DPP10: variants seen among roughly 807,000 people sequenced by gnomAD.
The protein encoded by DPP10 is dipeptidyl peptidase like 10, also known as inactive dipeptidyl peptidase 10.
Under a neutral mutation model 120.9 loss-of-function variants are expected in DPP10, and 33 were observed. The ratio of observed to expected loss-of-function variants is 0.27; its 90% CI spans 0.21 to 0.37. DPP10 has a LOEUF of 0.37. Among genes scored for constraint, DPP10 ranks in the 10% least tolerant of loss-of-function variants. DPP10 has a pLI of 1.00. For missense variants in DPP10, 816 were observed against 942.8 expected, an observed-to-expected ratio of 0.87 and a Z score of 1.76; for synonymous variants, 337 against 326.1, an observed-to-expected ratio of 1.03 and a Z score of -0.36.
chr2:115,410,337 G>A (rs920302093), intron 3 of DPP10, among the ~76,000 whole-genome samples: 4 of 152,136 alleles, frequency 2.6e-5, no homozygotes, highest in Non-Finnish European at 2.9e-5. Context: ...GCAGGGACAC[G>A]GATGGAGCTG....
intron 19 of DPP10, among the ~76,000 whole-genome samples, chr2:115,804,651 T>A (rs1366511955): frequency 6.6e-6 from 1 of 152,180 alleles, no homozygotes; most frequent in Non-Finnish European, 1.5e-5. Flanking sequence ...CTTCTAACAG[T>A]CAGGACCCTC....
At chr2:115,633,779 G>A (rs980083484) in intron 5 of DPP10, among the ~76,000 whole-genome samples, 2 of 152,046 alleles carry the variant, frequency 1.3e-5, no homozygotes, top group African/African-American at 4.8e-5. Context: ...ATCTTCTCAT[G>A]GAGTATCTTA....
In DPP10 at chr2:115,377,747, A is replaced by G. The variant is rs1453923812; in HGVS notation, c.271+33835A>G. Among the ~76,000 whole-genome samples, 3 of 151,956 alleles carry G rather than the reference A, an allele frequency of 2.0e-5. No homozygotes were observed. In the East Asian group the frequency reaches 5.8e-4, roughly 29 times the overall value. On this transcript the variant is annotated intron_variant, in intron 3 of 25. Coordinates refer to ENST00000410059, the MANE Select transcript of DPP10 (RefSeq NM_020868.6). ...TTTTTGTATAAGGTGTAAGGAAGGG[A>G]TCCAGTTTCAGCTTTCTACATATGG...
chr2:115,380,189 G>T (rs1281324476), intron 3 of DPP10, among the ~76,000 whole-genome samples: 1 of 152,136 alleles, frequency 6.6e-6, no homozygotes, highest in African/African-American at 2.4e-5. Flanking sequence ...GGGAGTCTAA[G>T]TCTCTTTGTA....
intron 24 of DPP10, among the ~76,000 whole-genome samples, chr2:115,837,568 T>C (rs982782737): frequency 2.0e-5 from 3 of 152,188 alleles, no homozygotes; most frequent in Non-Finnish European, 4.4e-5. Context: ...ACTGAATGAT[T>C]TGCTTCAAGG....
chr2:114,678,500 C>G (rs1397534481), intron 1 of DPP10, among the ~76,000 whole-genome samples: 1 of 152,060 alleles, frequency 6.6e-6, no homozygotes, highest in African/African-American at 2.4e-5. Flanking sequence ...AAAGTCTGGA[C>G]TCCGGCACAT....
chr2:114,695,612 A>C (rs1000396305), intron 1 of DPP10, among the ~76,000 whole-genome samples: 3 of 152,224 alleles, frequency 2.0e-5, no homozygotes, highest in Admixed American at 6.5e-5. Flanking sequence ...TTGGAACATA[A>C]CATGACACTA....
Position 115,662,665 on chromosome 2 carries a change from A to G in DPP10, c.442-27022A>G, listed in dbSNP as rs182744652. The stretch of plus-strand genomic sequence containing the variant: ...TTAGCAAGGATATGGAGAAAAGGAA[A>G]CCCTTGTACACTGTTGGTAGAAATG... On this transcript the variant is annotated intron_variant, in intron 5 of 25. Coordinates refer to ENST00000410059, the MANE Select transcript of DPP10 (RefSeq NM_020868.6). 5.3e-3 allele frequency among the ~76,000 whole-genome samples: 802 copies of G among 152,242 alleles called. 7 individuals carry two copies. Among genetic ancestry groups the G allele is most frequent in the African/African-American group, 0.018 (766 of 41,554 alleles).
intron 1 of DPP10, among the ~76,000 whole-genome samples, chr2:114,889,635 A>G (rs1692379506): frequency 1.3e-5 from 2 of 151,970 alleles, no homozygotes; most frequent in Admixed American, 6.6e-5. Flanking sequence ...CCTCCTATAA[A>G]ATATTTGAGT....
chr2:114,464,037 A>G (rs1283972486), intron 1 of DPP10, among the ~76,000 whole-genome samples: 1 of 152,160 alleles, frequency 6.6e-6, no homozygotes, highest in Non-Finnish European at 1.5e-5. Context: ...TTATCCATTC[A>G]CCTTCTGGAG....
chr2:114,860,226 T>C (rs1284214967), intron 1 of DPP10, among the ~76,000 whole-genome samples: 1 of 152,206 alleles, frequency 6.6e-6, no homozygotes, highest in Non-Finnish European at 1.5e-5. Context: ...TCACTTTCCC[T>C]GCTCTAACAT....
At chr2:115,396,284 G>T (rs1464488590) in intron 3 of DPP10, among the ~76,000 whole-genome samples, 9 of 152,070 alleles carry the variant, frequency 5.9e-5, no homozygotes, top group Admixed American at 5.9e-4. Context: ...AGAAATCAAG[G>T]TTATACAAGC....
At chr2:115,297,368 A>G in intron 1 of DPP10, 1 of 273,336 alleles carries the variant, frequency 3.7e-6, no homozygotes, top group South Asian at 3.0e-5. Context: ...ATCGCTCTAC[A>G]ATGAATATTC....
intron 3 of DPP10, among the ~76,000 whole-genome samples, chr2:115,405,745 C>T (rs931156746): frequency 1.3e-5 from 2 of 152,186 alleles, no homozygotes; most frequent in African/African-American, 2.4e-5. Flanking sequence ...TTTGAAGCTG[C>T]GGCATGAGCT....
At position 114,754,577 on chromosome 2, in the gene DPP10, A is replaced by T. The variant is rs990957886; in HGVS notation, c.60+311739A>T. 2.0e-4 allele frequency among the ~76,000 whole-genome samples: 30 copies of T among 152,168 alleles called. 1 individual carries two copies. The highest frequency in any genetic ancestry group is 4.0e-4 in the Non-Finnish European group (27 of 68,020). ...TTCAAATCACCTGGGAGCATTAAAAATAGTAGCAAAGCTCTACCTTTTATC... is the reference window on the plus strand; with the variant it reads ...TTCAAATCACCTGGGAGCATTAAAATTAGTAGCAAAGCTCTACCTTTTATC... On this transcript the variant is annotated intron_variant, in intron 1 of 25. Transcript: ENST00000410059.
Position 115,774,209 on chromosome 2 carries a change from T to TACACACACACAC in DPP10, c.1222-2978_1222-2967dup, listed in dbSNP as rs3069387. On this transcript the variant is annotated intron_variant, in intron 13 of 25. Transcript: ENST00000410059. Reference sequence around the variant, plus strand: ...ATCTCATTTGTCTTTAAAACACACATACACACACACACACACACACACACA... The same window carrying TACACACACACAC: ...ATCTCATTTGTCTTTAAAACACACATACACACACACACACACACACACACACACACACACACA... Among the ~76,000 whole-genome samples the TACACACACACAC allele has an allele frequency of 2.8e-3, 417 of 147,626 alleles. 4 individuals carry two copies. The highest frequency in any genetic ancestry group is 0.01 in the African/African-American group (401 of 40,008).
rs533459379 is a variant in DPP10 at position 114,466,790 on chromosome 2, T to A, written c.60+23952T>A. Among the ~76,000 whole-genome samples the A allele has an allele frequency of 2.0e-5, 3 of 152,306 alleles. No homozygotes were observed. In the South Asian group the frequency reaches 6.2e-4, roughly 32 times the overall value. ...AGGGCGCGATGGCTCATGCCTGTAA[T>A]CCCAGCACTTTGGGAGGCTGAGGTG... On this transcript the variant is annotated intron_variant, in intron 1 of 25. Coordinates refer to ENST00000410059, the MANE Select transcript of DPP10 (RefSeq NM_020868.6).
chr2:115,426,377 C>T (rs2070455182), intron 3 of DPP10, among the ~76,000 whole-genome samples: 1 of 125,140 alleles, frequency 8.0e-6, no homozygotes. Context: ...AGACTCTCAC[C>T]AGGTGCCACT....
intron 3 of DPP10, among the ~76,000 whole-genome samples, chr2:115,446,533 A>T (rs534487349): frequency 3.3e-5 from 5 of 151,512 alleles, no homozygotes; most frequent in Non-Finnish European, 7.4e-5. Context: ...TTCAGTCAGG[A>T]GCACTCTCTC....
Sources: allele counts gnomAD v4.1 joint callset (sites outside exome capture counted in the v4.1 genomes callset), GRCh38; gene constraint gnomAD v4.1.1; transcripts MANE v1.5; gene names NCBI Gene and HGNC (gene_info 2026-07-23, HGNC 2026-07-21).